Variants in LRRC4C observed in about 807,000 individuals in gnomAD.
The protein encoded by LRRC4C is leucine rich repeat containing 4C.
A neutral mutation model predicts 33.6 loss-of-function variants in LRRC4C; 5 were observed. The observed-to-expected ratio is 0.15, with a 90% confidence interval of 0.08 to 0.31. The LOEUF (loss-of-function observed/expected upper bound fraction) is 0.31. LRRC4C is among the 10% of genes least tolerant of loss of function. The pLI, the probability that LRRC4C is intolerant of heterozygous loss-of-function variation, is 1.00. For synonymous variants in LRRC4C, 329 were observed against 302.0 expected (o/e 1.09, Z -0.93); for missense variants, 560 against 796.7 (o/e 0.70, Z 3.58).
intron 1 of LRRC4C, among the ~76,000 whole-genome samples, chr11:41,267,400 T>C (rs16935517): frequency 2.0e-5 from 3 of 152,184 alleles, no homozygotes; most frequent in Non-Finnish European, 2.9e-5. Context: ...TCTGTGACCA[T>C]AGAGAAATGA....
chr11:40,624,297 A>G (rs111581342), intron 3 of LRRC4C, among the ~76,000 whole-genome samples: 1 of 152,154 alleles, frequency 6.6e-6, no homozygotes, highest in Non-Finnish European at 1.5e-5. Flanking sequence ...AGTTGCTTCC[A>G]TGCATATGCT....
intron 5 of LRRC4C, among the ~76,000 whole-genome samples, chr11:40,238,595 C>A (rs1865724971): frequency 6.6e-6 from 1 of 152,060 alleles, no homozygotes; most frequent in Non-Finnish European, 1.5e-5. Context: ...AGCCAATACT[C>A]CAGTGTAACT....
intron 1 of LRRC4C, among the ~76,000 whole-genome samples, chr11:41,241,205 C>T (rs1434253900): frequency 6.6e-6 from 1 of 152,058 alleles, no homozygotes. Flanking sequence ...TATTCAAATG[C>T]TTATTTAATT....
intron 3 of LRRC4C, among the ~76,000 whole-genome samples, chr11:40,581,003 G>A (rs948130027): frequency 1.1e-4 from 17 of 152,312 alleles, no homozygotes; most frequent in Admixed American, 5.2e-4. Context: ...GAATAATTGC[G>A]CAAGCAAGCA....
intron 5 of LRRC4C, among the ~76,000 whole-genome samples, chr11:40,168,260 G>C (rs1590599165): frequency 6.6e-6 from 1 of 152,094 alleles, no homozygotes; most frequent in South Asian, 2.1e-4. Flanking sequence ...AAAATGTTCA[G>C]GTTTATTATA....
At chr11:40,947,978 C>G (rs1403001088) in intron 1 of LRRC4C, among the ~76,000 whole-genome samples, 1 of 151,890 alleles carries the variant, frequency 6.6e-6, no homozygotes, top group African/African-American at 2.4e-5. Flanking sequence ...CATTTTTTTT[C>G]AGCTATTTCA....
chr11:40,822,580 G>A (rs556990961), intron 2 of LRRC4C, among the ~76,000 whole-genome samples: 110 of 151,470 alleles, frequency 7.3e-4, no homozygotes, highest in African/African-American at 2.3e-3. Flanking sequence ...TATTAATTCC[G>A]TGTCAGTTGG....
chr11:41,309,561 C>T (rs1950593108), intron 1 of LRRC4C, among the ~76,000 whole-genome samples: 1 of 152,188 alleles, frequency 6.6e-6, no homozygotes, highest in Admixed American at 6.5e-5. Flanking sequence ...TTCACCCTCT[C>T]TCCCACACTC....
At chr11:41,013,961 A>C (rs1590238259) in intron 1 of LRRC4C, among the ~76,000 whole-genome samples, 1 of 152,248 alleles carries the variant, frequency 6.6e-6, no homozygotes, top group South Asian at 2.1e-4. Flanking sequence ...TGAGGACAGC[A>C]CCAAGCCATG....
At chr11:41,281,080 T>TCTCTGTC (rs1949656412) in intron 1 of LRRC4C, among the ~76,000 whole-genome samples, 14 of 104,510 alleles carry the variant, frequency 1.3e-4, no homozygotes, top group African/African-American at 4.5e-4. Context: ...CTCTCTGTCC[T>TCTCTGTC]CTCTCTCTCT....
At chr11:40,520,081 T>C (rs2135217893) in intron 3 of LRRC4C, among the ~76,000 whole-genome samples, 1 of 152,320 alleles carries the variant, frequency 6.6e-6, no homozygotes. Context: ...AATGCTAATT[T>C]ACCACTCTAA....
At chr11:40,914,277 A>G (rs1236639874) in intron 2 of LRRC4C, among the ~76,000 whole-genome samples, 1 of 152,228 alleles carries the variant, frequency 6.6e-6, no homozygotes, top group African/African-American at 2.4e-5. Flanking sequence ...TCCCTGATGA[A>G]CATTAATGCA....
At chr11:41,181,405 G>T (rs1466927470) in intron 1 of LRRC4C, among the ~76,000 whole-genome samples, 1 of 152,078 alleles carries the variant, frequency 6.6e-6, no homozygotes, top group Non-Finnish European at 1.5e-5. Context: ...TATTCTCAAT[G>T]TTCCTGTTTC....
At chr11:40,644,243 A>C (rs1214410335) in intron 3 of LRRC4C, among the ~76,000 whole-genome samples, 1 of 152,192 alleles carries the variant, frequency 6.6e-6, no homozygotes, top group African/African-American at 2.4e-5. Context: ...GTAAAGCGCA[A>C]AACTGATAAA....
At chr11:41,185,992 A>G (rs1240605900) in intron 1 of LRRC4C, among the ~76,000 whole-genome samples, 1 of 152,106 alleles carries the variant, frequency 6.6e-6, no homozygotes, top group Non-Finnish European at 1.5e-5. Flanking sequence ...AAGAGTATAA[A>G]ACAGATAAGC....
rs554712933 is a variant in LRRC4C, at chr11:41,250,618, G to A, written c.-496+208813C>T. On this transcript the variant is annotated intron_variant, in intron 1 of 6. Coordinates refer to ENST00000528697, the MANE Select transcript of LRRC4C (RefSeq NM_001258419.2). ...CTTGTGATGACTTGGCATTTTTTTA[G>A]CTTGCTTGAAACCATCTTTAGCTTC... Among the ~76,000 whole-genome samples, 6 of 152,264 alleles carry A rather than the reference G, an allele frequency of 3.9e-5. No individual in the cohort carries two copies. In the South Asian group the frequency reaches 1.2e-3, roughly 32 times the overall value.
At position 41,131,708 on chromosome 11, in the gene LRRC4C, A is replaced by G. The variant is rs114306475; in HGVS notation, c.-495-197985T>C. 8.4e-3 allele frequency among the ~76,000 whole-genome samples: 1,274 copies of G among 152,268 alleles called. 26 individuals are homozygous for G. Among genetic ancestry groups the G allele is most frequent in the African/African-American group, 0.029 (1,206 of 41,564 alleles). ...GGTTGGCACAAGACAAAAGTCACAAAGACCCTGCTGTTGAAACAGGATGAG... is the reference window on the plus strand; with the variant it reads ...GGTTGGCACAAGACAAAAGTCACAAGGACCCTGCTGTTGAAACAGGATGAG... On this transcript the variant is annotated intron_variant, in intron 1 of 6. Coordinates refer to ENST00000528697, the MANE Select transcript of LRRC4C (RefSeq NM_001258419.2).
At chr11:41,391,077 T>C (rs1953573257) in intron 1 of LRRC4C, among the ~76,000 whole-genome samples, 2 of 151,830 alleles carry the variant, frequency 1.3e-5, no homozygotes, top group African/African-American at 4.8e-5. Context: ...TCTATAAACT[T>C]GTTCAAGGTG....
Position 41,240,664 on chromosome 11 carries a change from G to T in LRRC4C, c.-496+218767C>A, listed in dbSNP as rs529476275. The stretch of plus-strand genomic sequence containing the variant: ...GGATTCTTAATTGATTCTGGTAGGG[G>T]TCATGAAGGACCTACATGGGGATGA... On this transcript the variant is annotated intron_variant, in intron 1 of 6. Coordinates refer to ENST00000528697, the MANE Select transcript of LRRC4C (RefSeq NM_001258419.2). Among the ~76,000 whole-genome samples, 12 of 152,232 alleles carry T rather than the reference G, an allele frequency of 7.9e-5. No individual in the cohort carries two copies. The East Asian group carries it at 1.7e-3, about 22-fold the overall frequency.
Sources: allele counts gnomAD v4.1 joint callset (sites outside exome capture counted in the v4.1 genomes callset), GRCh38; gene constraint gnomAD v4.1.1; transcripts MANE v1.5; gene names NCBI Gene and HGNC (gene_info 2026-07-23, HGNC 2026-07-21).